Variants in CDH13 observed in about 807,000 individuals in gnomAD.
CDH13 encodes the protein cadherin 13, also known as cadherin-13.
CDH13 carries 24 observed loss-of-function variants against 63.8 expected under a neutral mutation model. The observed-to-expected ratio is 0.38, with a 90% CI of 0.27 to 0.53. The LOEUF is 0.53. CDH13 is among the 20% of genes least tolerant of loss of function. The probability of loss-of-function intolerance (pLI) is 0.85; values close to 1 mark genes in which losing one functional copy is unlikely to be tolerated. For missense variants in CDH13, 1,049 were observed against 903.1 expected, an observed-to-expected ratio of 1.16 and a Z score of -2.07; for synonymous variants, 503 against 355.3, an observed-to-expected ratio of 1.42 and a Z score of -4.67.
chr16:83,418,981 C>T (rs1196563163), intron 6 of CDH13, among the ~76,000 whole-genome samples: 2 of 152,112 alleles, frequency 1.3e-5, no homozygotes, highest in Admixed American at 1.3e-4. Flanking sequence ...GAAACATATG[C>T]AGGTGCCAGC....
At chr16:83,774,089 A>G (rs1914943901) in intron 11 of CDH13, among the ~76,000 whole-genome samples, 1 of 152,272 alleles carries the variant, frequency 6.6e-6, no homozygotes, top group Non-Finnish European at 1.5e-5. Flanking sequence ...ACTCAACTCT[A>G]TAATCATTTT....
intron 6 of CDH13, among the ~76,000 whole-genome samples, chr16:83,406,230 G>C (rs150040114): frequency 6.6e-6 from 1 of 152,258 alleles, no homozygotes; most frequent in East Asian, 1.9e-4. Context: ...GGTAGCGCCC[G>C]GTGGTAACCA....
chr16:83,113,906 C>A (rs994319661), intron 3 of CDH13, among the ~76,000 whole-genome samples: 2 of 152,230 alleles, frequency 1.3e-5, no homozygotes, highest in South Asian at 2.1e-4. Flanking sequence ...CTTAGGAAAC[C>A]CAGAGGCTTC....
intron 13 of CDH13, among the ~76,000 whole-genome samples, chr16:83,785,727 A>G (rs1915836771): frequency 6.6e-6 from 1 of 152,104 alleles, no homozygotes; most frequent in African/African-American, 2.4e-5. Flanking sequence ...TGGCTGCACA[A>G]CAGAAGCACC....
At chr16:83,677,727 T>A (rs1246513331) in intron 9 of CDH13, among the ~76,000 whole-genome samples, 2 of 152,184 alleles carry the variant, frequency 1.3e-5, no homozygotes, top group Non-Finnish European at 2.9e-5. Flanking sequence ...AGGGTTATCT[T>A]GCTATAAAGC....
intron 7 of CDH13, among the ~76,000 whole-genome samples, chr16:83,578,686 C>T (rs528415269): frequency 6.6e-6 from 1 of 152,326 alleles, no homozygotes; most frequent in East Asian, 1.9e-4. Flanking sequence ...TGACAATGAA[C>T]ATACATAGAT....
intron 6 of CDH13, among the ~76,000 whole-genome samples, chr16:83,459,500 C>A (rs930968310): frequency 6.6e-6 from 1 of 152,140 alleles, no homozygotes; most frequent in Non-Finnish European, 1.5e-5. Flanking sequence ...GGCTTATAAA[C>A]GGGTGAAACT....
intron 2 of CDH13, among the ~76,000 whole-genome samples, chr16:82,899,240 C>T (rs539562854): frequency 2.8e-4 from 42 of 152,272 alleles, no homozygotes; most frequent in African/African-American, 1.0e-3. Flanking sequence ...ATATAAATTA[C>T]AGTAAGGGCA....
At chr16:83,061,409 A>G (rs973320055) in intron 3 of CDH13, among the ~76,000 whole-genome samples, 11 of 152,134 alleles carry the variant, frequency 7.2e-5, no homozygotes, top group African/African-American at 2.7e-4. Context: ...CCTCTTTCCA[A>G]AATAGTTTCC....
At chr16:83,486,729 T>C in intron 7 of CDH13, 74 bp downstream of exon 7, 1 of 1,409,858 alleles carries the variant, frequency 7.1e-7, no homozygotes, top group Non-Finnish European at 9.9e-7. Flanking sequence ...GATGTGGGGC[T>C]CCAGTCAGTG....
At chr16:82,752,437 A>C (rs4307943) in intron 1 of CDH13, among the ~76,000 whole-genome samples, 3,116 of 152,280 alleles carry the variant, frequency 0.02, 103 homozygotes, top group African/African-American at 0.071. Flanking sequence ...CCTCTGCAGT[A>C]CTTCATTTCC....
At chr16:83,061,667 T>A (rs2151523876) in intron 3 of CDH13, among the ~76,000 whole-genome samples, 1 of 152,302 alleles carries the variant, frequency 6.6e-6, no homozygotes, top group African/African-American at 2.4e-5. Flanking sequence ...TGCACTGCAT[T>A]AAGTGAAACC....
chr16:82,719,703 G>A (rs1252507497), intron 1 of CDH13, among the ~76,000 whole-genome samples: 1 of 151,984 alleles, frequency 6.6e-6, no homozygotes, highest in Non-Finnish European at 1.5e-5. Context: ...AAATTTATCT[G>A]GGTGTGGTGG....
chr16:83,511,468 A>AAC (rs1555564362), intron 7 of CDH13, among the ~76,000 whole-genome samples: 52 of 152,106 alleles, frequency 3.4e-4, no homozygotes, highest in Non-Finnish European at 6.0e-4. Context: ...TCTCAAAAAA[A>AAC]AAAAAAAGTT....
intron 7 of CDH13, among the ~76,000 whole-genome samples, chr16:83,523,140 T>C (rs2074879668): frequency 6.6e-6 from 1 of 152,158 alleles, no homozygotes; most frequent in Non-Finnish European, 1.5e-5. Flanking sequence ...CTGTCCAGGT[T>C]GTATCTAAAT....
intron 10 of CDH13, among the ~76,000 whole-genome samples, chr16:83,745,989 G>A (rs891881807): frequency 1.3e-5 from 2 of 152,114 alleles, no homozygotes; most frequent in African/African-American, 4.8e-5. Context: ...CAGCTCCAAG[G>A]TCAGACCACC....
At position 82,921,506 on chromosome 16, in the gene CDH13, C is replaced by T. The variant is rs182386367; in HGVS notation, c.157+63033C>T. Among the ~76,000 whole-genome samples the T allele has an allele frequency of 7.9e-5, 12 of 152,302 alleles. No individual in the cohort carries two copies. The East Asian group carries it at 1.9e-3, about 24-fold the overall frequency. ...ACCTGAATAACCTAGGATCATCTCC[C>T]CATCCTAAAATATTTAATTCAATCA... On this transcript the variant is annotated intron_variant, in intron 2 of 13. Transcript: ENST00000567109.
chr16:83,313,638 C>T (rs1260095530), intron 5 of CDH13, among the ~76,000 whole-genome samples: 2 of 130,136 alleles, frequency 1.5e-5, no homozygotes, highest in African/African-American at 5.9e-5. Flanking sequence ...GAACCCTTAC[C>T]ATTGTAAAAA....
intron 4 of CDH13, among the ~76,000 whole-genome samples, chr16:83,207,858 A>C (rs746640855): frequency 2.6e-5 from 4 of 152,148 alleles, no homozygotes; most frequent in Non-Finnish European, 5.9e-5. Context: ...ATGAACATTG[A>C]CTTCCTTAGA....
Sources: gnomAD v4.1 joint callset for allele counts (sites outside exome capture counted in the v4.1 genomes callset) on GRCh38, gnomAD v4.1.1 for gene constraint, MANE v1.5 for transcripts, NCBI Gene and HGNC (gene_info 2026-07-23, HGNC 2026-07-21) for gene names.